DSCAM: variants seen among roughly 807,000 people sequenced by gnomAD.
DSCAM encodes DS cell adhesion molecule, also known as cell adhesion molecule DSCAM.
DSCAM carries 47 observed loss-of-function variants against 217.7 expected under a neutral mutation model. The observed-to-expected ratio is 0.22, with a 90% CI of 0.17 to 0.28. The LOEUF is 0.28. Ranked by LOEUF, DSCAM falls within the 10% of genes least tolerant of loss-of-function variation. The probability of loss-of-function intolerance (pLI) is 1.00; values close to 1 mark genes in which losing one functional copy is unlikely to be tolerated. For synonymous variants in DSCAM, 1,056 were observed against 1,015.3 expected (o/e 1.04, Z -0.76); for missense variants, 2,080 against 2,618.3 (o/e 0.79, Z 4.49).
At chr21:40,818,410 G>A (rs534183553) in intron 1 of DSCAM, among the ~76,000 whole-genome samples, 2 of 151,346 alleles carry the variant, frequency 1.3e-5, no homozygotes, top group African/African-American at 4.8e-5. Context: ...GCTGGGTGTG[G>A]TGGCGGGCGC....
intron 1 of DSCAM, among the ~76,000 whole-genome samples, chr21:40,818,058 TGC>T: frequency 8.2e-6 from 1 of 121,702 alleles, no homozygotes; most frequent in Admixed American, 1.0e-4. Flanking sequence ...ATTGCGCCAC[TGC>T]AGTCCGCAGT....
chr21:40,188,014 T>A (rs376639370), intron 12 of DSCAM, 27 bp from the exon 13 acceptor site: 12 of 1,578,012 alleles, frequency 7.6e-6, no homozygotes, highest in South Asian at 1.1e-5. Context: ...AAGAAATTCA[T>A]CTTTTTCAGT....
intron 9 of DSCAM, among the ~76,000 whole-genome samples, chr21:40,301,217 A>G (rs1390498399): frequency 6.6e-6 from 1 of 152,124 alleles, no homozygotes; most frequent in East Asian, 1.9e-4. Flanking sequence ...TCACTCAGGG[A>G]CCTAAAGGAT....
At chr21:40,468,696 C>G (rs2097705063) in intron 3 of DSCAM, among the ~76,000 whole-genome samples, 1 of 152,086 alleles carries the variant, frequency 6.6e-6, no homozygotes, top group Non-Finnish European at 1.5e-5. Context: ...GGGGTTTATT[C>G]TCTGGCTAAA....
chr21:40,355,150 A>C (rs947702908), intron 4 of DSCAM, among the ~76,000 whole-genome samples: 15 of 152,170 alleles, frequency 9.9e-5, no homozygotes, highest in Non-Finnish European at 2.1e-4. Context: ...TAATAAGTGT[A>C]GTTAAAGAAA....
chr21:40,165,768 A>G (rs893482620), intron 16 of DSCAM, among the ~76,000 whole-genome samples: 1 of 152,212 alleles, frequency 6.6e-6, no homozygotes, highest in African/African-American at 2.4e-5. Flanking sequence ...ACACGAGAGA[A>G]TGTGTAAAGC....
intron 3 of DSCAM, among the ~76,000 whole-genome samples, chr21:40,682,662 C>G (rs372284513): frequency 0.046 from 416 of 9,076 alleles, 48 homozygotes; most frequent in South Asian, 0.1. Context: ...GGGAAGGGAG[C>G]GGAGGGGGAG....
chr21:40,390,841 A>G (rs1309941289), intron 3 of DSCAM, among the ~76,000 whole-genome samples: 19 of 152,254 alleles, frequency 1.2e-4, no homozygotes, highest in Non-Finnish European at 2.9e-5. Context: ...CAATGACCCT[A>G]TTTCCAAATA....
chr21:40,766,860 A>G (rs151107005), intron 1 of DSCAM, among the ~76,000 whole-genome samples: 1 of 151,878 alleles, frequency 6.6e-6, no homozygotes, highest in African/African-American at 2.4e-5. Context: ...TAATTTTTAT[A>G]TTTTTAGTAA....
At chr21:40,252,536 G>A (rs989586016) in intron 11 of DSCAM, among the ~76,000 whole-genome samples, 3 of 152,118 alleles carry the variant, frequency 2.0e-5, no homozygotes, top group Non-Finnish European at 2.9e-5. Flanking sequence ...GTTGGGATAA[G>A]GAGAGATTTT....
At chr21:40,109,559 G>A (rs566871600) in intron 20 of DSCAM, among the ~76,000 whole-genome samples, 16 of 152,176 alleles carry the variant, frequency 1.1e-4, no homozygotes, top group Non-Finnish European at 1.8e-4. Context: ...GGGGAGTGTC[G>A]GACAGTGGAC....
intron 4 of DSCAM, among the ~76,000 whole-genome samples, chr21:40,355,829 T>A (rs886940925): frequency 2.0e-5 from 3 of 152,168 alleles, no homozygotes; most frequent in Non-Finnish European, 2.9e-5. Flanking sequence ...AACATCTCTA[T>A]TCCCTGCTTC....
chr21:40,193,885 G>C (rs1367214610), intron 11 of DSCAM, among the ~76,000 whole-genome samples: 5 of 152,108 alleles, frequency 3.3e-5, no homozygotes, highest in Non-Finnish European at 7.3e-5. Context: ...CTGAAGTAAG[G>C]GTTTCTGTCC....
chr21:40,206,549 A>G (rs758805704), intron 11 of DSCAM, among the ~76,000 whole-genome samples: 1 of 152,166 alleles, frequency 6.6e-6, no homozygotes, highest in African/African-American at 2.4e-5. Flanking sequence ...TCCAGCATCA[A>G]CCATATTTCC....
intron 3 of DSCAM, among the ~76,000 whole-genome samples, chr21:40,627,657 T>C (rs1240539291): frequency 1.3e-5 from 2 of 152,228 alleles, no homozygotes; most frequent in Non-Finnish European, 2.9e-5. Flanking sequence ...TATAAGATGC[T>C]GTAATTTAGC....
chr21:40,706,668 G>C (rs1398628129), intron 2 of DSCAM, among the ~76,000 whole-genome samples: 1 of 152,112 alleles, frequency 6.6e-6, no homozygotes, highest in Non-Finnish European at 1.5e-5. Context: ...TCAAAGGGTA[G>C]CATTTATGCC....
chr21:40,678,362 C>T (rs2090363569), intron 3 of DSCAM, among the ~76,000 whole-genome samples: 1 of 152,144 alleles, frequency 6.6e-6, no homozygotes, highest in African/African-American at 2.4e-5. Context: ...CAGACACAAC[C>T]ACCACAAAAT....
chr21:40,578,628 C>G (rs932913521), intron 3 of DSCAM, among the ~76,000 whole-genome samples: 1 of 152,172 alleles, frequency 6.6e-6, no homozygotes, highest in African/African-American at 2.4e-5. Flanking sequence ...TACCTTTGTT[C>G]TTTTGCTCTT....
chr21:40,398,866 G>A (rs746804915), intron 3 of DSCAM, among the ~76,000 whole-genome samples: 12 of 152,198 alleles, frequency 7.9e-5, no homozygotes, highest in Non-Finnish European at 1.0e-4. Context: ...GGGATTACAG[G>A]TGTCAGCCAC....
Sources: gnomAD v4.1 joint callset for allele counts (sites outside exome capture counted in the v4.1 genomes callset) on GRCh38, gnomAD v4.1.1 for gene constraint, MANE v1.5 for transcripts, NCBI Gene and HGNC (gene_info 2026-07-23, HGNC 2026-07-21) for gene names.